The following TMPRSS11B variants were observed in gnomAD, a reference collection of about 807,000 sequenced individuals.
TMPRSS11B encodes transmembrane serine protease 11B.
A neutral mutation model predicts 44.7 loss-of-function variants in TMPRSS11B; 53 were observed. That is an observed-to-expected ratio of 1.19 (90% CI 0.95 to 1.49). The LOEUF is 1.49. TMPRSS11B is among the 40% of genes most tolerant of loss of function. The pLI is 0.00. For synonymous variants in TMPRSS11B, 140 were observed against 159.2 expected (o/e 0.88, Z 0.91); for missense variants, 526 against 494.8 (o/e 1.06, Z -0.60).
At chr4:68,236,946 AT>A in intron 2 of TMPRSS11B, among the ~76,000 whole-genome samples, 1 of 149,632 alleles carries the variant, frequency 6.7e-6, no homozygotes, top group Non-Finnish European at 1.5e-5. Context: ...TATTATTATT[AT>A]TATTATTATA....
intron 7 of TMPRSS11B, among the ~76,000 whole-genome samples, chr4:68,229,969 G>A (rs530779145): frequency 6.6e-6 from 1 of 152,076 alleles, no homozygotes; most frequent in Admixed American, 6.6e-5. Flanking sequence ...GTATCCATAT[G>A]TACTCAGTGT....
intron 2 of TMPRSS11B, 136 bp from the exon 3 acceptor site, chr4:68,236,402 C>A: frequency 1.6e-6 from 1 of 606,714 alleles, no homozygotes; most frequent in Admixed American, 2.9e-5. Flanking sequence ...CCATTTATAC[C>A]TCTGCCTTAA....
intron 1 of TMPRSS11B, among the ~76,000 whole-genome samples, chr4:68,242,090 T>C (rs1719840236): frequency 6.8e-6 from 1 of 146,216 alleles, no homozygotes; most frequent in Non-Finnish European, 1.5e-5. Flanking sequence ...TTTTTAAAAA[T>C]TGAAGCAGGT....
At chr4:68,233,850 G>A (rs1719586025) in intron 5 of TMPRSS11B, among the ~76,000 whole-genome samples, 1 of 151,866 alleles carries the variant, frequency 6.6e-6, no homozygotes, top group South Asian at 2.1e-4. Flanking sequence ...TCTGTCATGA[G>A]ATCCTGACAA....
intron 6 of TMPRSS11B, chr4:68,231,775 A>G (rs1263628340): frequency 6.3e-6 from 1 of 158,922 alleles, no homozygotes; most frequent in East Asian, 1.8e-4. Context: ...TGAATGCATA[A>G]ATGTATCTTG....
At chr4:68,238,065 G>A (rs1719724230) in intron 2 of TMPRSS11B, among the ~76,000 whole-genome samples, 1 of 151,936 alleles carries the variant, frequency 6.6e-6, no homozygotes, top group Non-Finnish European at 1.5e-5. Context: ...ACCCTGTTTT[G>A]GTTAAGTAAT....
At chr4:68,240,954 G>C (rs1433363055) in intron 2 of TMPRSS11B, among the ~76,000 whole-genome samples, 2 of 151,982 alleles carry the variant, frequency 1.3e-5, no homozygotes, top group Non-Finnish European at 2.9e-5. Flanking sequence ...TTTTAAGCAA[G>C]CTATGCTACT....
At chr4:68,245,420 A>C in intron 1 of TMPRSS11B, 131 bp downstream of exon 1, 1 of 971,960 alleles carries the variant, frequency 1.0e-6, no homozygotes. Flanking sequence ...CAGACAATAG[A>C]GTGTTTCTTA....
rs190601464 is a variant in TMPRSS11B, at chr4:68,227,908, T to G, written c.*3A>C. The G allele has an allele frequency of 6.4e-5, 103 of 1,599,312 alleles. No individual in the cohort carries two copies. Among genetic ancestry groups the G allele is most frequent in the Admixed American group, 1.8e-4 (10 of 56,298 alleles). On this transcript the variant is annotated 3_prime_UTR_variant, in exon 10 of 10. Coordinates refer to ENST00000332644, the MANE Select transcript of TMPRSS11B (RefSeq NM_182502.3). ...TATGTTCCTTTGTATAATTCCTTTTTTTTCAGAGTCCAGTCTTGGATGTAA... is the reference window on the plus strand; with the variant it reads ...TATGTTCCTTTGTATAATTCCTTTTGTTTCAGAGTCCAGTCTTGGATGTAA...
At chr4:68,240,985 C>T (rs1008497311) in intron 2 of TMPRSS11B, among the ~76,000 whole-genome samples, 1 of 152,030 alleles carries the variant, frequency 6.6e-6, no homozygotes, top group African/African-American at 2.4e-5. Flanking sequence ...TGGTATCAAG[C>T]AAGTCACTTT....
intron 5 of TMPRSS11B, among the ~76,000 whole-genome samples, chr4:68,233,899 C>T (rs906872210): frequency 2.6e-5 from 4 of 151,912 alleles, no homozygotes; most frequent in African/African-American, 7.3e-5. Context: ...TGCCTGGGCT[C>T]GGTGGCTCAT....
chr4:68,240,393 C>G (rs1372794283), intron 2 of TMPRSS11B, among the ~76,000 whole-genome samples: 3 of 152,150 alleles, frequency 2.0e-5, no homozygotes, highest in Non-Finnish European at 4.4e-5. Flanking sequence ...GCTGCTGTAG[C>G]CTTCTATCTG....
chr4:68,231,174 C>A, intron 7 of TMPRSS11B, 29 bp downstream of exon 7: 2 of 1,583,776 alleles, frequency 1.3e-6, no homozygotes, highest in Non-Finnish European at 1.7e-6. Context: ...CACCTAGCAT[C>A]CTTCATTTAG....
rs866380482 is a variant in TMPRSS11B at position 68,241,886 on chromosome 4, A to T, written c.9-82T>A. 55 of 819,812 alleles carry T rather than the reference A, an allele frequency of 6.7e-5. 1 individual carries two copies. Among genetic ancestry groups the T allele is most frequent in the South Asian group, 4.1e-4 (29 of 70,790 alleles). The allele number at this position is 819,812 out of a possible 1,614,324, so 50.8% of individuals were successfully genotyped here. On this transcript the variant is annotated intron_variant, in intron 1 of 9. Transcript: ENST00000332644. ...CCTCTCCTTCAACTCATAGTACATGAATTGTAGTTTATACATTAGTCCTTT... is the reference window on the plus strand; with the variant it reads ...CCTCTCCTTCAACTCATAGTACATGTATTGTAGTTTATACATTAGTCCTTT...
chr4:68,240,328 C>T (rs938551403), intron 2 of TMPRSS11B, among the ~76,000 whole-genome samples: 4 of 152,144 alleles, frequency 2.6e-5, no homozygotes, highest in East Asian at 1.9e-4. Flanking sequence ...GCGTTTGTGT[C>T]CATTTTTACT....
chr4:68,236,002 A>C lies in TMPRSS11B; in HGVS notation c.308T>G (p.Leu103Arg), dbSNP rs766832968. 15 of 1,552,632 alleles carry C rather than the reference A, an allele frequency of 9.7e-6. No homozygotes were observed. The South Asian group carries it at 1.9e-4, about 20-fold the overall frequency. The change falls in exon 4 of 10, where the codon CTG (leucine) becomes CGG (arginine). Residue 103 changes from leucine (L) to arginine (R), a missense_variant and splice_region_variant. By Grantham distance (102) the Leu-to-Arg change is moderately radical (BLOSUM62 -2). Coordinates refer to ENST00000332644, the MANE Select transcript of TMPRSS11B (RefSeq NM_182502.3). ...EYVKSEVIKL[L>R]PNANGSNVQL... ...AAATCTTAAATGAACTTGTACTTAC[A>C]GAAGTTTGATGACCTCAGATTTGAC...
Position 68,236,068 on chromosome 4 carries a change from A to T in TMPRSS11B, c.242T>A (p.Met81Lys). 1 of 1,591,434 alleles carries T rather than the reference A, an allele frequency of 6.3e-7. No homozygotes were observed. The highest frequency in any genetic ancestry group is 8.5e-7 in the Non-Finnish European group (1 of 1,170,062). ...ACTGGAATTTTGAAATGCATTTAAC[A>T]TCTGACAAGAGAAAAAAAACAGTCA... ...TNLSKDIETK[M>K]LNAFQNSSIY... Residue 81 changes from methionine (M) to lysine (K), a missense_variant and splice_region_variant, in exon 4 of 10, where the codon ATG becomes AAG. By Grantham distance (95) the Met-to-Lys change is moderately conservative. Coordinates refer to ENST00000332644, the MANE Select transcript of TMPRSS11B (RefSeq NM_182502.3).
At chr4:68,242,609 A>G (rs1719892546) in intron 1 of TMPRSS11B, among the ~76,000 whole-genome samples, 1 of 149,088 alleles carries the variant, frequency 6.7e-6, no homozygotes, top group African/African-American at 2.5e-5. Context: ...TCACTCTGTC[A>G]TCCAGGCTGG....
chr4:68,229,994 T>C (rs1051138606), intron 7 of TMPRSS11B, among the ~76,000 whole-genome samples: 1 of 152,188 alleles, frequency 6.6e-6, no homozygotes, highest in African/African-American at 2.4e-5. Context: ...CTCCCACTTA[T>C]AAGCAAGAAG....
Sources: allele counts gnomAD v4.1 joint callset (sites outside exome capture counted in the v4.1 genomes callset), GRCh38; gene constraint gnomAD v4.1.1; transcripts MANE v1.5; gene names NCBI Gene and HGNC (gene_info 2026-07-23, HGNC 2026-07-21).